Variants in SMPD3 observed in about 807,000 individuals in gnomAD.
SMPD3 encodes nSMase-2.
In SMPD3, 21 loss-of-function variants were observed where a neutral mutation model predicts 55.7. That is an observed-to-expected ratio of 0.38 (90% CI 0.27 to 0.54). SMPD3 has a LOEUF of 0.54. Ranked by LOEUF, SMPD3 falls within the 20% of genes least tolerant of loss-of-function variation. The pLI, the probability that SMPD3 is intolerant of heterozygous loss-of-function variation, is 0.80. For synonymous variants in SMPD3, 457 were observed against 404.3 expected (o/e 1.13, Z -1.56); for missense variants, 842 against 899.6 (o/e 0.94, Z 0.82).
chr16:68,379,922 C>T (rs1303874823), intron 2 of SMPD3, among the ~76,000 whole-genome samples: 6 of 152,230 alleles, frequency 3.9e-5, no homozygotes, highest in Admixed American at 6.5e-5. Flanking sequence ...GAGTGGTGCA[C>T]GTCCTAGAGG....
chr16:68,374,927 C>A (rs2089771885), intron 2 of SMPD3, among the ~76,000 whole-genome samples: 1 of 152,212 alleles, frequency 6.6e-6, no homozygotes, highest in African/African-American at 2.4e-5. Context: ...GGCTCTCCAG[C>A]CACCAATAGT....
In SMPD3 at chr16:68,361,241, G is replaced by A; in HGVS notation, c.1933C>T (p.Arg645Ter). The change falls in exon 9 of 9, where the codon CGA (arginine) becomes TGA (stop). Residue 645 changes from arginine to a stop codon, truncating the protein, a stop_gained. Transcript: ENST00000219334. LOFTEE classifies it high-confidence loss of function. ...TCCTCCCCCGAAGACACCATCAGTC[G>A]CATGGCTACTGGCAGGTGGTCCGTC... ...GLTDHLPVAM[R>*]LMVSSGEEEA 1.2e-6 allele frequency: 2 copies of A among 1,613,900 alleles called. No individual in the cohort carries two copies. Among genetic ancestry groups the A allele is most frequent in the Admixed American group, 1.7e-5 (1 of 60,010 alleles).
intron 3 of SMPD3, among the ~76,000 whole-genome samples, chr16:68,365,658 T>C (rs910066216): frequency 2.0e-5 from 3 of 152,124 alleles, no homozygotes; most frequent in Non-Finnish European, 2.9e-5. Flanking sequence ...GGTCCCGTTG[T>C]CACCCGTCTT....
chr16:68,365,143 A>G (rs2089439086), intron 3 of SMPD3, 51 bp from the exon 4 acceptor site: 8 of 1,591,388 alleles, frequency 5.0e-6, no homozygotes, highest in Non-Finnish European at 6.9e-6. Flanking sequence ...TGTGGCCCTG[A>G]GAGCACAGGA....
At chr16:68,405,545 CAAAA>C (rs67518521) in intron 1 of SMPD3, among the ~76,000 whole-genome samples, 3 of 72,982 alleles carry the variant, frequency 4.1e-5, no homozygotes, top group African/African-American at 5.3e-5. Context: ...GACCCTGTCT[CAAAA>C]AAAAAAAAAA....
intron 1 of SMPD3, among the ~76,000 whole-genome samples, chr16:68,389,315 C>T (rs2090090771): frequency 6.6e-6 from 1 of 152,222 alleles, no homozygotes; most frequent in South Asian, 2.1e-4. Flanking sequence ...AGGCCTCAAT[C>T]CCACAGGCCC....
intron 1 of SMPD3, among the ~76,000 whole-genome samples, chr16:68,437,054 T>C (rs2090527883): frequency 6.6e-6 from 1 of 152,250 alleles, no homozygotes; most frequent in Non-Finnish European, 1.5e-5. Context: ...TGTCATGAAG[T>C]GGCCATGTGC....
In SMPD3 at chr16:68,416,788, C is replaced by A. The variant is rs148208956; in HGVS notation, c.-268-30129G>T. Among the ~76,000 whole-genome samples, 347 of 152,148 alleles carry A rather than the reference C, an allele frequency of 2.3e-3. 4 individuals are homozygous for A. Among genetic ancestry groups the A allele is most frequent in the African/African-American group, 7.7e-3 (320 of 41,526 alleles). On this transcript the variant is annotated intron_variant, in intron 1 of 8. Coordinates refer to ENST00000219334, the MANE Select transcript of SMPD3 (RefSeq NM_018667.4). ...GCCCTATCTGTCCGGTGGGTCAGAG[C>A]ACAGGTGTGTCAGAGCATAGGCCAT...
chr16:68,373,763 C>T (rs949845657), intron 2 of SMPD3, among the ~76,000 whole-genome samples: 3 of 152,162 alleles, frequency 2.0e-5, no homozygotes, highest in Non-Finnish European at 2.9e-5. Context: ...GTCACAGCTG[C>T]CTCACACCTA....
intron 2 of SMPD3, among the ~76,000 whole-genome samples, chr16:68,384,290 T>C (rs1191809686): frequency 6.6e-6 from 1 of 152,214 alleles, no homozygotes; most frequent in African/African-American, 2.4e-5. Context: ...GGGTTCAAGA[T>C]TCACAGAGAA....
intron 1 of SMPD3, among the ~76,000 whole-genome samples, chr16:68,387,443 C>G (rs1289857034): frequency 6.6e-6 from 1 of 152,164 alleles, no homozygotes; most frequent in East Asian, 1.9e-4. Flanking sequence ...ACTTGGGCCC[C>G]AGTCCCAGTT....
chr16:68,431,973 G>T (rs1191714277), intron 1 of SMPD3, among the ~76,000 whole-genome samples: 1 of 151,492 alleles, frequency 6.6e-6, no homozygotes, highest in Non-Finnish European at 1.5e-5. Flanking sequence ...AAATTAGCTG[G>T]GTGTGGTGGT....
At chr16:68,383,139 A>T (rs2089984578) in intron 2 of SMPD3, among the ~76,000 whole-genome samples, 1 of 152,148 alleles carries the variant, frequency 6.6e-6, no homozygotes, top group African/African-American at 2.4e-5. Flanking sequence ...GCGCCCAGCC[A>T]GGTTTGTTTA....
chr16:68,384,098 CA>C (rs1406849080), intron 2 of SMPD3, among the ~76,000 whole-genome samples: 2 of 152,224 alleles, frequency 1.3e-5, no homozygotes, highest in African/African-American at 4.8e-5. Context: ...GGCACCTAGG[CA>C]GGGAAGGGCA....
intron 7 of SMPD3, among the ~76,000 whole-genome samples, chr16:68,362,021 T>G (rs1336941838): frequency 6.6e-6 from 1 of 152,172 alleles, no homozygotes; most frequent in Non-Finnish European, 1.5e-5. Context: ...GCACTCACTT[T>G]CCCTTTCTGA....
Position 68,371,520 on chromosome 16 carries a change from C to T in SMPD3, c.662G>A (p.Gly221Asp), listed in dbSNP as rs1208521543. 1.2e-6 allele frequency: 2 copies of T among 1,600,084 alleles called. No individual in the cohort carries two copies. Among genetic ancestry groups the T allele is most frequent in the African/African-American group, 1.3e-5 (1 of 74,860 alleles). The change falls in exon 3 of 9, where the codon GGT becomes GAT. Residue 221 changes from glycine (G) to aspartate (D), a missense_variant. This residue lies in a region of SMPD3 where 649 missense variants were observed against 643.6 expected (regional missense o/e 1.01). Coordinates refer to ENST00000219334, the MANE Select transcript of SMPD3 (RefSeq NM_018667.4). ...GGCTGGGCCGTTGGCAGCCTCGTCA[C>T]CGGGGTGCCGCCCACCGTCACCCTT... is the stretch of plus-strand genomic sequence containing the variant. ...EYKGDGGRHP[G>D]DEAANGPASG...
intron 1 of SMPD3, among the ~76,000 whole-genome samples, chr16:68,445,156 C>A (rs1180366480): frequency 5.3e-5 from 8 of 152,174 alleles, no homozygotes; most frequent in Admixed American, 5.2e-4. Context: ...CCTCCAGAAG[C>A]CTTCATTTTC....
chr16:68,396,674 G>A (rs2090160353), intron 1 of SMPD3, among the ~76,000 whole-genome samples: 1 of 152,110 alleles, frequency 6.6e-6, no homozygotes, highest in Non-Finnish European at 1.5e-5. Flanking sequence ...GTGATTTCTA[G>A]CCAGGCGGGC....
At chr16:68,436,140 G>C (rs544799338) in intron 1 of SMPD3, among the ~76,000 whole-genome samples, 246 of 152,298 alleles carry the variant, frequency 1.6e-3, no homozygotes, top group Non-Finnish European at 3.2e-3. Context: ...AGTCAAGATA[G>C]CCACTGCCAA....
Sources: gnomAD v4.1 joint callset for allele counts (sites outside exome capture counted in the v4.1 genomes callset) on GRCh38, gnomAD v4.1.1 for gene constraint, gnomAD v4.1.1 regional missense constraint, MANE v1.5 for transcripts, NCBI Gene and HGNC (gene_info 2026-07-23, HGNC 2026-07-21) for gene names.